Variants in SDCCAG8 observed in about 807,000 individuals in gnomAD.
The protein encoded by SDCCAG8 is SHH signaling and ciliogenesis regulator SDCCAG8, also known as serologically defined colon cancer antigen 8.
SDCCAG8 carries 74 observed loss-of-function variants against 101.8 expected under a neutral mutation model. That is an observed-to-expected ratio of 0.73 (90% CI 0.60 to 0.88). The LOEUF is 0.88. Among genes scored for constraint, SDCCAG8 ranks in the 40% least tolerant of loss-of-function variants. SDCCAG8 has a pLI of 0.00. For synonymous variants in SDCCAG8, 281 were observed against 292.9 expected, an observed-to-expected ratio of 0.96 and a Z score of 0.41; for missense variants, 787 against 822.6, an observed-to-expected ratio of 0.96 and a Z score of 0.53.
chr1:243,356,313 A>G (rs895020376), intron 12 of SDCCAG8, among the ~76,000 whole-genome samples: 48 of 150,582 alleles, frequency 3.2e-4, no homozygotes, highest in Non-Finnish European at 6.2e-4. Flanking sequence ...AAGTATCTCA[A>G]TGCTGAATTT....
chr1:243,375,374 C>T (rs945135983), intron 12 of SDCCAG8, among the ~76,000 whole-genome samples: 3 of 152,056 alleles, frequency 2.0e-5, no homozygotes, highest in African/African-American at 7.2e-5. Flanking sequence ...AGGTGCATTA[C>T]TTTGATGGGC....
chr1:243,453,680 C>T (rs950384725), intron 16 of SDCCAG8, among the ~76,000 whole-genome samples: 9 of 152,160 alleles, frequency 5.9e-5, no homozygotes. Flanking sequence ...AACTGCTCTT[C>T]CTGGCTAAAT....
intron 17 of SDCCAG8, among the ~76,000 whole-genome samples, chr1:243,499,227 C>T (rs540312196): frequency 6.6e-6 from 1 of 152,322 alleles, no homozygotes; most frequent in South Asian, 2.1e-4. Flanking sequence ...TCCCCTCTTC[C>T]AACACATGTG....
At position 243,466,546 on chromosome 1, in the gene SDCCAG8, C is replaced by T. The variant is rs181474436; in HGVS notation, c.1986-22468C>T. Among the ~76,000 whole-genome samples, 14 of 152,324 alleles carry T rather than the reference C, an allele frequency of 9.2e-5. No homozygotes were observed. In the East Asian group the frequency reaches 2.3e-3, roughly 25 times the overall value. ...TCTTCATCTGTAAAATTATGACAGT[C>T]GTGCTACCTGTGTCACAGTCTTCTC... On this transcript the variant is annotated intron_variant, in intron 16 of 17. Transcript: ENST00000366541.
At chr1:243,360,921 G>A (rs1573557561) in intron 12 of SDCCAG8, among the ~76,000 whole-genome samples, 1 of 152,282 alleles carries the variant, frequency 6.6e-6, no homozygotes, top group African/African-American at 2.4e-5. Context: ...CTCAGTAGCA[G>A]TCAAAGGCAA....
At chr1:243,330,819 A>C in intron 10 of SDCCAG8, 127 bp downstream of exon 10, 2 of 839,760 alleles carry the variant, frequency 2.4e-6, no homozygotes, top group East Asian at 2.7e-5. Flanking sequence ...ATAAGTAGTT[A>C]AATTTCGTAT....
Position 243,455,952 on chromosome 1 carries a change from A to G in SDCCAG8, c.1985+29394A>G, listed in dbSNP as rs145430253. Among the ~76,000 whole-genome samples, 7 of 152,346 alleles carry G rather than the reference A, an allele frequency of 4.6e-5. No homozygotes were observed. The East Asian group carries it at 1.3e-3, about 29-fold the overall frequency. On this transcript the variant is annotated intron_variant, in intron 16 of 17. Transcript: ENST00000366541. ...GGGCATCGCTGTGGCCCCTAAGGAA[A>G]CAAACAAGTGGGTCAGAATGGCCTC... is the stretch of plus-strand genomic sequence containing the variant.
At chr1:243,387,412 A>G (rs1042698875) in intron 13 of SDCCAG8, among the ~76,000 whole-genome samples, 6 of 152,202 alleles carry the variant, frequency 3.9e-5, no homozygotes, top group Admixed American at 3.9e-4. Context: ...TTTTACATAA[A>G]TGATCTTTTT....
intron 4 of SDCCAG8, among the ~76,000 whole-genome samples, chr1:243,279,420 C>A (rs1178543560): frequency 6.6e-6 from 1 of 152,192 alleles, no homozygotes; most frequent in Admixed American, 6.5e-5. Context: ...CTGGGAGCTA[C>A]AGCTCACTGC....
intron 16 of SDCCAG8, among the ~76,000 whole-genome samples, chr1:243,455,157 TTTTGAAAGC>T (rs2083646879): frequency 6.6e-6 from 1 of 152,226 alleles, no homozygotes. Context: ...AAATGAAAAC[TTTTGAAAGC>T]TTTAACAAAA....
intron 16 of SDCCAG8, among the ~76,000 whole-genome samples, chr1:243,485,030 CA>C: frequency 6.9e-6 from 1 of 145,466 alleles, no homozygotes; most frequent in Middle Eastern, 3.4e-3. Flanking sequence ...GGCAACAGAG[CA>C]AGACTCCATC....
At chr1:243,396,488 A>G (rs890800429) in intron 13 of SDCCAG8, among the ~76,000 whole-genome samples, 1 of 152,198 alleles carries the variant, frequency 6.6e-6, no homozygotes, top group Non-Finnish European at 1.5e-5. Flanking sequence ...ATAGCTTATA[A>G]TTGAAATGGT....
intron 1 of SDCCAG8, chr1:243,268,061 C>T: frequency 1.3e-6 from 1 of 763,576 alleles, no homozygotes; most frequent in Non-Finnish European, 2.4e-6. Context: ...CCTCTGATCT[C>T]TGAGACTAAG....
At chr1:243,327,296 T>G (rs980537951) in intron 9 of SDCCAG8, among the ~76,000 whole-genome samples, 50 of 148,440 alleles carry the variant, frequency 3.4e-4, no homozygotes, top group African/African-American at 1.2e-3. Context: ...AAATTAAAAT[T>G]ATAATTTATA....
intron 16 of SDCCAG8, among the ~76,000 whole-genome samples, chr1:243,428,232 G>A (rs1025263706): frequency 3.3e-5 from 5 of 152,146 alleles, no homozygotes; most frequent in African/African-American, 1.2e-4. Context: ...CAAACGTGCC[G>A]AATGAAGGTC....
At chr1:243,390,497 T>C (rs2147941696) in intron 13 of SDCCAG8, among the ~76,000 whole-genome samples, 1 of 152,350 alleles carries the variant, frequency 6.6e-6, no homozygotes, top group South Asian at 2.1e-4. Flanking sequence ...GGTCTCAGTG[T>C]GGCCCGGGGC....
At chr1:243,431,632 A>G (rs1374088094) in intron 16 of SDCCAG8, among the ~76,000 whole-genome samples, 1 of 152,188 alleles carries the variant, frequency 6.6e-6, no homozygotes, top group African/African-American at 2.4e-5. Flanking sequence ...CAGGGAATTC[A>G]TGTTAAAGAT....
At position 243,427,687 on chromosome 1, in the gene SDCCAG8, T is replaced by G. The variant is rs376480112; in HGVS notation, c.1985+1129T>G. On this transcript the variant is annotated intron_variant, in intron 16 of 17. Transcript: ENST00000366541. ...GTAAAGTAAGCATATTAGCCTGGGG[T>G]GGGGGGGAGGTATTTTTACGTTGAT... Among the ~76,000 whole-genome samples the G allele has an allele frequency of 4.0e-5, 6 of 151,554 alleles. No individual in the cohort carries two copies. In the South Asian group the frequency reaches 1.3e-3, roughly 32 times the overall value.
At chr1:243,429,592 G>A (rs2081574535) in intron 16 of SDCCAG8, among the ~76,000 whole-genome samples, 1 of 151,670 alleles carries the variant, frequency 6.6e-6, no homozygotes, top group African/African-American at 2.4e-5. Flanking sequence ...TCACTCTGTC[G>A]CCCAGGCTGA....
Sources: allele counts gnomAD v4.1 joint callset (sites outside exome capture counted in the v4.1 genomes callset), GRCh38; gene constraint gnomAD v4.1.1; transcripts MANE v1.5; gene names NCBI Gene and HGNC (gene_info 2026-07-23, HGNC 2026-07-21).